RBM33: variants seen among roughly 807,000 people sequenced by gnomAD.
RBM33 encodes the protein RNA binding motif protein 33.
RBM33 carries 28 observed loss-of-function variants against 132.6 expected under a neutral mutation model. The ratio of observed to expected loss-of-function variants is 0.21; its 90% confidence interval spans 0.16 to 0.29. The LOEUF is 0.29. RBM33 is among the 10% of genes least tolerant of loss of function. RBM33 has a pLI of 1.00. For synonymous variants in RBM33, 634 were observed against 593.0 expected, an observed-to-expected ratio of 1.07 and a Z score of -1.01; for missense variants, 1,291 against 1,518.5, an observed-to-expected ratio of 0.85 and a Z score of 2.49.
intron 3 of RBM33, among the ~76,000 whole-genome samples, chr7:155,674,618 T>C (rs1799125961): frequency 6.6e-6 from 1 of 152,202 alleles, no homozygotes. Flanking sequence ...GGGTCAGGAC[T>C]GTTATCAATA....
intron 3 of RBM33, among the ~76,000 whole-genome samples, chr7:155,676,102 A>T (rs1375019138): frequency 1.3e-5 from 2 of 152,316 alleles, no homozygotes; most frequent in East Asian, 3.9e-4. Context: ...GGTCCCCACG[A>T]AATGCACAAT....
chr7:155,741,693 G>T, intron 12 of RBM33, 126 bp from the exon 13 acceptor site: 1 of 886,272 alleles, frequency 1.1e-6, no homozygotes, highest in South Asian at 1.8e-5. Flanking sequence ...AAAAGTATCT[G>T]CTCCCCAAAA....
rs199838565 is a variant in RBM33, at chr7:155,653,799, TTATAG to T, written c.43+8883_43+8887del. ...GTGTTTTCCTGAGTCCTGTGAATTG[TTATAG>T]TAATAGCAATGGGGGGAGGTGTGAT... On this transcript the variant is annotated intron_variant, in intron 1 of 17. Transcript: ENST00000401878. Among the ~76,000 whole-genome samples the T allele has an allele frequency of 5.3e-5, 8 of 152,170 alleles. No homozygotes were observed. In the East Asian group the frequency reaches 1.5e-3, roughly 29 times the overall value.
intron 16 of RBM33, among the ~76,000 whole-genome samples, chr7:155,768,390 T>G (rs1802293434): frequency 2.0e-5 from 3 of 152,244 alleles, no homozygotes; most frequent in African/African-American, 7.2e-5. Context: ...ATGGTCTCTT[T>G]TTCCTTCCAT....
At chr7:155,717,618 A>G (rs1278130062) in intron 8 of RBM33, among the ~76,000 whole-genome samples, 1 of 152,048 alleles carries the variant, frequency 6.6e-6, no homozygotes, top group Non-Finnish European at 1.5e-5. Flanking sequence ...CTGCCAGCAC[A>G]TTTTGCTGTA....
At position 155,739,869 on chromosome 7, in the gene RBM33, C is replaced by T. The variant is rs140100136; in HGVS notation, c.1892C>T (p.Pro631Leu). 5.8e-5 allele frequency: 90 copies of T among 1,545,056 alleles called. No individual in the cohort carries two copies. Among genetic ancestry groups the T allele is most frequent in the Non-Finnish European group, 7.4e-5 (85 of 1,144,444 alleles). The stretch of plus-strand genomic sequence containing the variant: ...CCCCAGCACCCACCACAGCACCCGC[C>T]GCAGCACCAGCACCACCACCACCAC... ...PPPQHPPQHP[P>L]QHQHHHHHHH... Residue 631 changes from proline to leucine, a missense_variant, in exon 12 of 18, where the codon CCG (proline) becomes CTG (leucine). This residue lies in a region of RBM33 where 841 missense variants were observed against 912.0 expected (regional missense o/e 0.92). Transcript: ENST00000401878.
chr7:155,763,729 G>C, intron 14 of RBM33, 83 bp from the exon 15 acceptor site: 1 of 1,286,062 alleles, frequency 7.8e-7, no homozygotes, highest in South Asian at 1.3e-5. Flanking sequence ...GTGAACACTG[G>C]CTGAGGTGGG....
At chr7:155,648,555 C>A (rs1409217074) in intron 1 of RBM33, among the ~76,000 whole-genome samples, 1 of 151,984 alleles carries the variant, frequency 6.6e-6, no homozygotes, top group African/African-American at 2.4e-5. Flanking sequence ...ATTTTTGGAG[C>A]ATTTTAATCA....
intron 2 of RBM33, among the ~76,000 whole-genome samples, chr7:155,665,961 C>T (rs1015827247): frequency 1.3e-5 from 2 of 152,112 alleles, no homozygotes; most frequent in South Asian, 4.1e-4. Flanking sequence ...AAGCTGCAGT[C>T]AATTTGAAAA....
Position 155,775,357 on chromosome 7 carries a change from G to A in RBM33, c.*316G>A, listed in dbSNP as rs1431965468. ...ATTGTTCTTTGTGGTCTGACTCTATGATCGATCACAGTGACTTAGATTCAG... is the reference window on the plus strand; with the variant it reads ...ATTGTTCTTTGTGGTCTGACTCTATAATCGATCACAGTGACTTAGATTCAG... On this transcript the variant is annotated 3_prime_UTR_variant, in exon 18 of 18. Transcript: ENST00000401878. The A allele has an allele frequency of 4.0e-6, 2 of 497,872 alleles. No individual in the cohort carries two copies. The highest frequency in any genetic ancestry group is 7.4e-6 in the Non-Finnish European group (2 of 271,942). The allele number at this position is 497,872 out of a possible 1,614,324, so 30.8% of individuals were successfully genotyped here.
chr7:155,651,067 G>A (rs572781498), intron 1 of RBM33, among the ~76,000 whole-genome samples: 68 of 152,180 alleles, frequency 4.5e-4, no homozygotes, highest in African/African-American at 1.6e-3. Context: ...TAGTAGAGAC[G>A]GGGTTTTGCC....
chr7:155,739,557 T>G, intron 11 of RBM33, 158 bp from the exon 12 acceptor site: 1 of 732,784 alleles, frequency 1.4e-6, no homozygotes, highest in Non-Finnish European at 2.2e-6. Context: ...TATTACTGCA[T>G]TTTAGATAGT....
intron 8 of RBM33, among the ~76,000 whole-genome samples, chr7:155,717,706 A>G (rs1476765239): frequency 6.6e-6 from 1 of 152,244 alleles, no homozygotes; most frequent in East Asian, 1.9e-4. Context: ...CAAAGAGCTT[A>G]AACACATCTG....
Position 155,775,770 on chromosome 7 carries a change from C to G in RBM33, c.*729C>G, listed in dbSNP as rs1321815441. The G allele has an allele frequency of 6.5e-6, 1 of 153,800 alleles. No individual in the cohort carries two copies. Among genetic ancestry groups the G allele is most frequent in the Non-Finnish European group, 1.4e-5 (1 of 69,066 alleles). 9.5% of individuals were successfully genotyped at this position (153,800 alleles called of 1,614,324 possible). ...CACACGGCATGGCCCTCGGCTAGAG[C>G]AGGGTCTGTGATGGCCTCACCTGGC... On this transcript the variant is annotated 3_prime_UTR_variant, in exon 18 of 18. Transcript: ENST00000401878.
chr7:155,759,595 A>G (rs1252391997), intron 14 of RBM33, among the ~76,000 whole-genome samples: 2 of 151,336 alleles, frequency 1.3e-5, no homozygotes, highest in Non-Finnish European at 2.9e-5. Flanking sequence ...TTTTTTTTGT[A>G]TTTTTAGTAG....
chr7:155,768,806 G>A (rs910339985), intron 16 of RBM33, among the ~76,000 whole-genome samples: 1 of 152,134 alleles, frequency 6.6e-6, no homozygotes, highest in Non-Finnish European at 1.5e-5. Flanking sequence ...GTAGAGACGA[G>A]GTTTCACTGT....
chr7:155,676,553 A>C (rs976048309), intron 3 of RBM33, among the ~76,000 whole-genome samples: 1 of 152,024 alleles, frequency 6.6e-6, no homozygotes. Flanking sequence ...TTTTTCTTTC[A>C]TACTTGTTTC....
chr7:155,741,926 A>G lies in RBM33; in HGVS notation c.2157A>G (p.Ile719Met). The G allele has an allele frequency of 6.2e-7, 1 of 1,614,026 alleles. No individual in the cohort carries two copies. Among genetic ancestry groups the G allele is most frequent in the Middle Eastern group, 1.6e-4 (1 of 6,062 alleles). ...TACCCATAGCGCCGTCACACGTGAT[A>G]GAAATGAGCAGCAGCCGCTGCTCTG... ...RELPIAPSHVIEMSSSRCSAT... is the reference protein window; with the variant it reads ...RELPIAPSHVMEMSSSRCSAT... Residue 719 changes from isoleucine (I) to methionine (M), a missense_variant, in exon 13 of 18, where the codon ATA becomes ATG. By Grantham distance (10) the Ile-to-Met change is conservative. Around this residue, in one of 7 missense-constraint regions of RBM33, gnomAD observed 841 missense variants for 912.0 expected, o/e 0.92. Transcript: ENST00000401878.
chr7:155,732,006 C>T (rs1800969044), intron 9 of RBM33, among the ~76,000 whole-genome samples: 2 of 152,164 alleles, frequency 1.3e-5, no homozygotes, highest in African/African-American at 4.8e-5. Context: ...ACTTCCCTGG[C>T]ATGAGAACTG....
Sources: gnomAD v4.1 joint callset for allele counts (sites outside exome capture counted in the v4.1 genomes callset) on GRCh38, gnomAD v4.1.1 for gene constraint, gnomAD v4.1.1 regional missense constraint, MANE v1.5 for transcripts, NCBI Gene and HGNC (gene_info 2026-07-23, HGNC 2026-07-21) for gene names.